The following PLD5 variants were observed in gnomAD, a reference collection of about 807,000 sequenced individuals.
The protein encoded by PLD5 is inactive phospholipase D5.
In PLD5, 36 loss-of-function variants were observed where a neutral mutation model predicts 61.1. The ratio of observed to expected loss-of-function variants is 0.59; its 90% CI spans 0.45 to 0.78. The LOEUF is 0.78. Among genes scored for constraint, PLD5 ranks in the 30% least tolerant of loss-of-function variants. PLD5 has a pLI of 0.00. For missense variants in PLD5, 515 were observed against 644.4 expected (o/e 0.80, Z 2.17); for synonymous variants, 243 against 242.8 (o/e 1.00, Z -0.01).
intron 1 of PLD5, chr1:242,376,860 G>A: frequency 6.7e-7 from 1 of 1,499,844 alleles, no homozygotes; most frequent in Non-Finnish European, 8.9e-7. Context: ...CAAACTTTTT[G>A]TAACAAAAAT....
intron 2 of PLD5, among the ~76,000 whole-genome samples, chr1:242,299,838 C>A (rs1021999238): frequency 6.6e-6 from 1 of 151,948 alleles, no homozygotes; most frequent in African/African-American, 2.4e-5. Flanking sequence ...GTATTTATAC[C>A]CTGTAAATTG....
At chr1:242,168,866 T>TTTTTTTTTTTTTTTTTTTTCC (rs869214408) in intron 5 of PLD5, among the ~76,000 whole-genome samples, 1 of 135,260 alleles carries the variant, frequency 7.4e-6, no homozygotes, top group Admixed American at 8.3e-5. Context: ...TTTTTTTTTT[T>TTTTTTTTTTTTTTTTTTTTCC]ACCACCCCCC....
intron 1 of PLD5, among the ~76,000 whole-genome samples, chr1:242,364,958 T>C (rs1661260103): frequency 8.0e-6 from 1 of 124,632 alleles, no homozygotes; most frequent in South Asian, 3.2e-4. Flanking sequence ...GATCAACTTT[T>C]AGCAATACAG....
intron 3 of PLD5, among the ~76,000 whole-genome samples, chr1:242,275,714 G>T (rs1027267530): frequency 4.6e-5 from 7 of 152,150 alleles, no homozygotes; most frequent in Non-Finnish European, 1.0e-4. Context: ...CCAGCATAAG[G>T]CCTCAGGGAA....
intron 9 of PLD5, among the ~76,000 whole-genome samples, chr1:242,095,853 T>A (rs1048638819): frequency 1.3e-5 from 2 of 152,248 alleles, no homozygotes; most frequent in African/African-American, 2.4e-5. Flanking sequence ...CACTTGCAGC[T>A]GATTTCATAT....
intron 4 of PLD5, among the ~76,000 whole-genome samples, chr1:242,257,442 G>A (rs1673133761): frequency 1.3e-5 from 2 of 152,166 alleles, no homozygotes; most frequent in African/African-American, 2.4e-5. Context: ...ACAGTGTGCT[G>A]GACCATCAGG....
chr1:242,185,607 G>A (rs1667822651), intron 5 of PLD5, among the ~76,000 whole-genome samples: 1 of 152,110 alleles, frequency 6.6e-6, no homozygotes, highest in African/African-American at 2.4e-5. Context: ...TATTATACAA[G>A]GGAAACTGTT....
chr1:242,094,123 C>CTT (rs796279032), intron 9 of PLD5, among the ~76,000 whole-genome samples: 64 of 146,536 alleles, frequency 4.4e-4, no homozygotes, highest in African/African-American at 1.5e-3. Flanking sequence ...TTTCATCCAG[C>CTT]TTTTTTTTTT....
rs186582065 is a variant in PLD5 at position 242,116,787 on chromosome 1, A to G, written c.934-2761T>C. On this transcript the variant is annotated intron_variant, in intron 6 of 9. Coordinates refer to ENST00000536534, the MANE Select transcript of PLD5 (RefSeq NM_001372062.1). ...GCATAGTATTCCATGGTGCATATGT[A>G]CCATATTTTCTTTACAGGATGAGTT... Among the ~76,000 whole-genome samples the G allele has an allele frequency of 1.4e-3, 210 of 152,158 alleles. 1 individual carries two copies. The highest frequency in any genetic ancestry group is 0.013 in the Admixed American group (204 of 15,290).
At chr1:242,184,261 T>G (rs1389358471) in intron 5 of PLD5, among the ~76,000 whole-genome samples, 2 of 152,224 alleles carry the variant, frequency 1.3e-5, no homozygotes, top group Non-Finnish European at 2.9e-5. Flanking sequence ...AGCAACAAAT[T>G]TTACTAGGTT....
At chr1:242,177,476 G>A (rs1369284565) in intron 5 of PLD5, among the ~76,000 whole-genome samples, 3 of 152,106 alleles carry the variant, frequency 2.0e-5, no homozygotes, top group Admixed American at 6.5e-5. Context: ...GTGACGGGTT[G>A]ATGGGTGCAG....
intron 5 of PLD5, among the ~76,000 whole-genome samples, chr1:242,208,299 G>T (rs2148976464): frequency 6.6e-6 from 1 of 152,120 alleles, no homozygotes; most frequent in South Asian, 2.1e-4. Flanking sequence ...ACCCTCACTT[G>T]TTGGTCTGCA....
chr1:242,390,802 T>C (rs539212294), intron 1 of PLD5, among the ~76,000 whole-genome samples: 181 of 152,242 alleles, frequency 1.2e-3, no homozygotes, highest in Middle Eastern at 3.4e-3. Flanking sequence ...ACAATCTCAA[T>C]TCTTCATGTT....
intron 3 of PLD5, among the ~76,000 whole-genome samples, chr1:242,268,812 C>A (rs1172483406): frequency 6.6e-6 from 1 of 152,108 alleles, no homozygotes; most frequent in Non-Finnish European, 1.5e-5. Flanking sequence ...GTAAGGCCTC[C>A]TAATGCTTTC....
At chr1:242,194,600 A>ATCTATCTATCTATCTG (rs1668495037) in intron 5 of PLD5, among the ~76,000 whole-genome samples, 1 of 76,664 alleles carries the variant, frequency 1.3e-5, no homozygotes, top group Admixed American at 1.9e-4. Context: ...CTATCTATCT[A>ATCTATCTATCTATCTG]TCTATGTATC....
chr1:242,196,825 C>G (rs924091461), intron 5 of PLD5, among the ~76,000 whole-genome samples: 4 of 152,176 alleles, frequency 2.6e-5, no homozygotes, highest in Admixed American at 2.6e-4. Flanking sequence ...GTGTATCTTT[C>G]CAGACTCTTT....
chr1:242,114,659 G>A (rs1661802918), intron 6 of PLD5, among the ~76,000 whole-genome samples: 1 of 152,176 alleles, frequency 6.6e-6, no homozygotes, highest in South Asian at 2.1e-4. Flanking sequence ...GGGGGCATTA[G>A]ATTCTCATAG....
intron 1 of PLD5, among the ~76,000 whole-genome samples, chr1:242,471,470 G>A (rs1667446774): frequency 6.6e-6 from 1 of 152,070 alleles, no homozygotes; most frequent in Non-Finnish European, 1.5e-5. Context: ...TAATTCCTGA[G>A]CGAAATGGGT....
At chr1:242,525,242 C>A (rs1464379578), upstream of PLD5, among the ~76,000 whole-genome samples, 1 of 141,988 alleles carries the variant, frequency 7.0e-6, no homozygotes, top group Non-Finnish European at 1.5e-5. Flanking sequence ...CGCCCGGGGG[C>A]AGTAGCCCCT....
Sources: gnomAD v4.1 joint callset for allele counts (sites outside exome capture counted in the v4.1 genomes callset) on GRCh38, gnomAD v4.1.1 for gene constraint, MANE v1.5 for transcripts, NCBI Gene and HGNC (gene_info 2026-07-23, HGNC 2026-07-21) for gene names.